The following NUP98 variants were observed in gnomAD, a reference collection of about 807,000 sequenced individuals.
The protein encoded by NUP98 is nuclear pore complex protein Nup98-Nup96.
Under a neutral mutation model 191.9 loss-of-function variants are expected in NUP98, and 26 were observed. The observed-to-expected ratio is 0.14, with a 90% confidence interval of 0.10 to 0.19. NUP98 has a LOEUF of 0.19. NUP98 is among the 10% of genes least tolerant of loss of function. The pLI is 1.00. For synonymous variants in NUP98, 808 were observed against 778.4 expected (o/e 1.04, Z -0.63); for missense variants, 1,941 against 2,178.8 (o/e 0.89, Z 2.17).
At position 3,683,451 on chromosome 11, in the gene NUP98, G is replaced by A. The variant is rs765254441; in HGVS notation, c.4677-10C>T. The stretch of plus-strand genomic sequence containing the variant: ...AGCCTTCTCACGTATGCTACAGGGA[G>A]AGATAAGCTAGAATAAATCCCATCC... On this transcript the variant is annotated splice_polypyrimidine_tract_variant and intron_variant, in intron 29 of 32. Coordinates refer to ENST00000324932, the MANE Select transcript of NUP98 (RefSeq NM_016320.5). 2.5e-6 allele frequency: 4 copies of A among 1,613,818 alleles called. No homozygotes were observed. In the East Asian group the frequency reaches 6.7e-5, roughly 27 times the overall value.
At chr11:3,749,449 A>T (rs2080655477) in intron 11 of NUP98, among the ~76,000 whole-genome samples, 1 of 152,160 alleles carries the variant, frequency 6.6e-6, no homozygotes, top group South Asian at 2.1e-4. Flanking sequence ...ACATGGTGAA[A>T]CCCCATCTCT....
intron 29 of NUP98, among the ~76,000 whole-genome samples, chr11:3,684,034 C>A (rs1472846329): frequency 6.7e-6 from 1 of 148,892 alleles, no homozygotes; most frequent in African/African-American, 2.5e-5. Context: ...ATGGTGAAAC[C>A]CCGTCTCTGC....
At position 3,684,312 on chromosome 11, in the gene NUP98, G is replaced by A. The variant is rs965869490; in HGVS notation, c.4677-871C>T. Among the ~76,000 whole-genome samples the A allele has an allele frequency of 6.3e-4, 94 of 149,642 alleles. 1 individual carries two copies. The highest frequency in any genetic ancestry group is 2.2e-3 in the African/African-American group (91 of 40,688). On this transcript the variant is annotated intron_variant, in intron 29 of 32. Transcript: ENST00000324932. ...AGTTGGGGCTTGGCTCGGCGCAGTG[G>A]CTCACGCCTGTAATCCCAGCACTTT... is the stretch of plus-strand genomic sequence containing the variant.
At chr11:3,774,756 A>G (rs533986301) in intron 5 of NUP98, among the ~76,000 whole-genome samples, 26 of 152,218 alleles carry the variant, frequency 1.7e-4, no homozygotes, top group Non-Finnish European at 2.1e-4. Flanking sequence ...ATAACATTAC[A>G]AGGAAAAAGG....
Position 3,693,555 on chromosome 11 carries a change from T to C in NUP98, c.4168-180A>G, listed in dbSNP as rs921069311. Among the ~76,000 whole-genome samples, 7 of 152,372 alleles carry C rather than the reference T, an allele frequency of 4.6e-5. No homozygotes were observed. The East Asian group carries it at 7.7e-4, about 17-fold the overall frequency. On this transcript the variant is annotated intron_variant, in intron 26 of 32. Coordinates refer to ENST00000324932, the MANE Select transcript of NUP98 (RefSeq NM_016320.5). ...AGGGAATATTATTTACTTGTTTTTA[T>C]TGACCAACTGATTGATCGATTGATA...
At chr11:3,762,275 A>G (rs1262965069) in intron 9 of NUP98, among the ~76,000 whole-genome samples, 2 of 148,430 alleles carry the variant, frequency 1.3e-5, no homozygotes, top group Non-Finnish European at 3.0e-5. Context: ...ACACCCAGCT[A>G]GTGGTTTTTT....
At chr11:3,697,914 T>A (rs1344285897) in intron 25 of NUP98, among the ~76,000 whole-genome samples, 1 of 150,862 alleles carries the variant, frequency 6.6e-6, no homozygotes, top group East Asian at 2.0e-4. Context: ...CTTAAAGAAG[T>A]AAATATATGC....
At chr11:3,756,470 T>C (rs772071656) in intron 10 of NUP98, among the ~76,000 whole-genome samples, 7 of 152,102 alleles carry the variant, frequency 4.6e-5, no homozygotes, top group Admixed American at 6.6e-5. Context: ...AAAAAACCTC[T>C]AAGCAAATCA....
At position 3,754,224 on chromosome 11, in the gene NUP98, C is replaced by T. The variant is rs546390036; in HGVS notation, c.1175-816G>A. ...TGGGCGGATCATGAGGTCAAGAGTT[C>T]GAGAACAGCCTGGGGAACATGGTGA... On this transcript the variant is annotated intron_variant, in intron 10 of 32. Coordinates refer to ENST00000324932, the MANE Select transcript of NUP98 (RefSeq NM_016320.5). 8.6e-5 allele frequency among the ~76,000 whole-genome samples: 13 copies of T among 151,674 alleles called. No individual in the cohort carries two copies. In the South Asian group the frequency reaches 2.7e-3, roughly 32 times the overall value.
At chr11:3,784,863 G>A (rs146808683) in intron 1 of NUP98, among the ~76,000 whole-genome samples, 55 of 152,264 alleles carry the variant, frequency 3.6e-4, no homozygotes, top group Non-Finnish European at 4.9e-4. Flanking sequence ...TTGGCCGGGC[G>A]CGGTGGCTCA....
intron 31 of NUP98, among the ~76,000 whole-genome samples, chr11:3,678,651 T>C (rs2077890784): frequency 6.6e-6 from 1 of 152,044 alleles, no homozygotes; most frequent in African/African-American, 2.4e-5. Context: ...CCAGAAGTAA[T>C]TTAGTGTGAG....
At chr11:3,790,449 G>T (rs1481023934) in intron 1 of NUP98, among the ~76,000 whole-genome samples, 2 of 152,128 alleles carry the variant, frequency 1.3e-5, no homozygotes, top group African/African-American at 4.8e-5. Context: ...GTGACCCAAA[G>T]ACCCCTAAAA....
chr11:3,719,961 A>G (rs1345083325), intron 17 of NUP98, among the ~76,000 whole-genome samples: 2 of 151,862 alleles, frequency 1.3e-5, no homozygotes, highest in Admixed American at 1.3e-4. Flanking sequence ...AGGTCTCACT[A>G]TGTTGCCCAG....
At chr11:3,786,334 T>A (rs551403821) in intron 1 of NUP98, among the ~76,000 whole-genome samples, 1 of 152,332 alleles carries the variant, frequency 6.6e-6, no homozygotes, top group South Asian at 2.1e-4. Context: ...GTTCTAGTCA[T>A]CAGAAATAAT....
At chr11:3,732,060 CTG>C (rs1166748937) in intron 13 of NUP98, among the ~76,000 whole-genome samples, 29 of 152,270 alleles carry the variant, frequency 1.9e-4, no homozygotes, top group African/African-American at 6.7e-4. Flanking sequence ...AATTATTTGT[CTG>C]ACATCTTTTA....
At chr11:3,778,840 T>C in intron 4 of NUP98, 33 bp downstream of exon 4, 1 of 1,591,652 alleles carries the variant, frequency 6.3e-7, no homozygotes, top group Non-Finnish European at 8.6e-7. Context: ...AACCAAATTA[T>C]TAGATGCAGA....
intron 20 of NUP98, 155 bp downstream of exon 20, chr11:3,712,409 T>C: frequency 7.0e-7 from 1 of 1,429,928 alleles, no homozygotes; most frequent in Non-Finnish European, 9.1e-7. Flanking sequence ...CTGCAAGACC[T>C]CACGCCCTCC....
rs578029754 is a variant in NUP98, at chr11:3,767,704, C to T, written c.948+877G>A. On this transcript the variant is annotated intron_variant, in intron 8 of 32. Transcript: ENST00000324932. ...GTCCTGATCAATTACTCATACATCA[C>T]TTCCTTCTTTAATTTCATACTTCCC... 1.1e-4 allele frequency among the ~76,000 whole-genome samples: 16 copies of T among 152,174 alleles called. No individual in the cohort carries two copies. In the East Asian group the frequency reaches 2.9e-3, roughly 28 times the overall value.
chr11:3,773,169 A>C (rs2081587902), intron 6 of NUP98, among the ~76,000 whole-genome samples: 1 of 152,182 alleles, frequency 6.6e-6, no homozygotes, highest in African/African-American at 2.4e-5. Context: ...TGGGAGGCTG[A>C]GGAAGAAAAA....
Sources: allele counts gnomAD v4.1 joint callset (sites outside exome capture counted in the v4.1 genomes callset), GRCh38; gene constraint gnomAD v4.1.1; transcripts MANE v1.5; gene names NCBI Gene and HGNC (gene_info 2026-07-23, HGNC 2026-07-21).